The following ADAM23 variants were observed in gnomAD, a reference collection of about 807,000 sequenced individuals.
ADAM23 encodes ADAM metallopeptidase domain 23, also known as disintegrin and metalloproteinase domain-containing protein 23.
In ADAM23, 33 loss-of-function variants were observed where a neutral mutation model predicts 120.1. The observed-to-expected ratio is 0.27, with a 90% CI of 0.21 to 0.37. ADAM23 has a LOEUF of 0.37. Among genes scored for constraint, ADAM23 ranks in the 10% least tolerant of loss-of-function variants. ADAM23 has a pLI of 1.00. For missense variants in ADAM23, 862 were observed against 1,058.2 expected (o/e 0.81, Z 2.57); for synonymous variants, 367 against 375.2 (o/e 0.98, Z 0.25).
At chr2:206,493,842 G>T (rs1388748614) in intron 3 of ADAM23, among the ~76,000 whole-genome samples, 1 of 152,072 alleles carries the variant, frequency 6.6e-6, no homozygotes, top group East Asian at 1.9e-4. Flanking sequence ...TTTTGCCCAA[G>T]TGAGTTCACA....
rs1395734619 is a variant in ADAM23, at chr2:206,445,481, A to G, written c.389A>G (p.His130Arg). ...YINQDSESPY[H>R]VLDTKARHQQ... ...AACCAAGACTCGGAAAGCCCTTATC[A>G]CGTTCTTGACACAAAGGCAAGACAC... Residue 130 changes from histidine to arginine, a missense_variant, in exon 2 of 26, where the codon CAC (histidine) becomes CGC (arginine). Transcript: ENST00000264377. 1.9e-6 allele frequency: 3 copies of G among 1,614,142 alleles called. No individual in the cohort carries two copies. The highest frequency in any genetic ancestry group is 1.7e-5 in the Admixed American group (1 of 60,026).
chr2:206,534,744 G>A (rs908742868), intron 4 of ADAM23, among the ~76,000 whole-genome samples: 2 of 152,004 alleles, frequency 1.3e-5, no homozygotes, highest in African/African-American at 2.4e-5. Context: ...TTCTGCTTAC[G>A]TCAGCAGTCA....
chr2:206,444,652 A>G (rs1695038758), intron 1 of ADAM23, among the ~76,000 whole-genome samples: 1 of 152,350 alleles, frequency 6.6e-6, no homozygotes, highest in African/African-American at 2.4e-5. Flanking sequence ...ACCATCTTCT[A>G]TATATTGATG....
At chr2:206,563,059 T>C (rs1468840303) in intron 13 of ADAM23, among the ~76,000 whole-genome samples, 1 of 152,240 alleles carries the variant, frequency 6.6e-6, no homozygotes, top group Admixed American at 6.5e-5. Flanking sequence ...TCAACCCAGA[T>C]TGTGTTTATC....
At chr2:206,575,104 T>G (rs987555457) in intron 18 of ADAM23, among the ~76,000 whole-genome samples, 5 of 152,130 alleles carry the variant, frequency 3.3e-5, no homozygotes, top group African/African-American at 4.8e-5. Context: ...AATATTTCTT[T>G]CTGGAGGACA....
At chr2:206,574,042 T>C (rs1270746777) in intron 18 of ADAM23, among the ~76,000 whole-genome samples, 1 of 152,112 alleles carries the variant, frequency 6.6e-6, no homozygotes, top group Non-Finnish European at 1.5e-5. Context: ...ATAATTACTT[T>C]TGCACCAACC....
At position 206,620,931 on chromosome 2, in the gene ADAM23, T is replaced by C. The variant is rs117453682; in HGVS notation, c.*3304T>C. ...GAACCCTTTCTTTAAAGTTATCCCA[T>C]CATGTTTTATAGTCATTGTTGCTTC... On this transcript the variant is annotated 3_prime_UTR_variant, in exon 26 of 26. Coordinates refer to ENST00000264377, the MANE Select transcript of ADAM23 (RefSeq NM_003812.4). 39 of 152,314 alleles carry C rather than the reference T, an allele frequency of 2.6e-4. No homozygotes were observed. The East Asian group carries it at 7.0e-3, about 27-fold the overall frequency. The allele number at this position is 152,314 out of a possible 1,614,324, so 9.4% of individuals were successfully genotyped here. A position where few individuals can be genotyped will look rare whatever the true frequency, so the allele number is the denominator to read the frequency against.
Position 206,548,261 on chromosome 2 carries a change from C to G in ADAM23, c.794-20C>G, listed in dbSNP as rs1367377354. The G allele has an allele frequency of 6.2e-7, 1 of 1,606,824 alleles. No homozygotes were observed. Among genetic ancestry groups the G allele is most frequent in the South Asian group, 1.1e-5 (1 of 90,876 alleles). ...TTGAAATAAGCATAAAATTTTGATA[C>G]TAATTTTTCCTTTCTGCAGCTATGG... On this transcript the variant is annotated intron_variant, in intron 7 of 25. Transcript: ENST00000264377.
At chr2:206,444,517 G>A (rs1695036334) in intron 1 of ADAM23, among the ~76,000 whole-genome samples, 2 of 152,170 alleles carry the variant, frequency 1.3e-5, no homozygotes, top group African/African-American at 4.8e-5. Flanking sequence ...AGTGCGGTTG[G>A]AATTAAGGTG....
chr2:206,465,497 A>G (rs548101840), intron 2 of ADAM23, among the ~76,000 whole-genome samples: 7 of 152,314 alleles, frequency 4.6e-5, no homozygotes, highest in South Asian at 2.1e-4. Flanking sequence ...TAAATTTATT[A>G]TAGTCCTCTA....
chr2:206,494,165 A>C (rs908703085), intron 3 of ADAM23, among the ~76,000 whole-genome samples: 54 of 152,292 alleles, frequency 3.5e-4, no homozygotes, highest in African/African-American at 1.3e-3. Flanking sequence ...TCAATTATAC[A>C]ATACAGTATA....
intron 4 of ADAM23, among the ~76,000 whole-genome samples, chr2:206,533,311 C>G (rs1425354738): frequency 1.3e-5 from 2 of 152,126 alleles, no homozygotes; most frequent in Non-Finnish European, 2.9e-5. Context: ...AAGCGATTCT[C>G]CTGCCTCAGT....
chr2:206,605,881 G>A, intron 24 of ADAM23: 1 of 670,876 alleles, frequency 1.5e-6, no homozygotes, highest in Non-Finnish European at 2.7e-6. Flanking sequence ...GGGGAATAGA[G>A]TAAGCATCCT....
At chr2:206,578,322 C>T (rs568387263) in intron 18 of ADAM23, among the ~76,000 whole-genome samples, 41 of 152,066 alleles carry the variant, frequency 2.7e-4, no homozygotes, top group African/African-American at 9.6e-4. Context: ...TACACTGCAC[C>T]ATATTTGTAG....
intron 4 of ADAM23, among the ~76,000 whole-genome samples, chr2:206,538,484 GA>G: frequency 6.6e-6 from 1 of 152,216 alleles, no homozygotes. Context: ...TCAGAACCTA[GA>G]TATCATAATA....
intron 2 of ADAM23, among the ~76,000 whole-genome samples, chr2:206,463,872 T>C (rs566816188): frequency 2.6e-5 from 4 of 152,358 alleles, no homozygotes; most frequent in African/African-American, 9.6e-5. Flanking sequence ...AGAGGCTACA[T>C]AGAGACCTAT....
chr2:206,583,432 C>T (rs980131624), intron 18 of ADAM23, among the ~76,000 whole-genome samples: 8 of 146,658 alleles, frequency 5.5e-5, no homozygotes, highest in African/African-American at 1.8e-4. Context: ...CTGGCCTGGG[C>T]GAAAGAGCGA....
chr2:206,474,812 C>T (rs1018632644), intron 2 of ADAM23, among the ~76,000 whole-genome samples: 1 of 152,142 alleles, frequency 6.6e-6, no homozygotes. Flanking sequence ...TGGCTTCAAG[C>T]GATCCTCCTG....
At chr2:206,510,101 A>G (rs951664968) in intron 3 of ADAM23, among the ~76,000 whole-genome samples, 3 of 152,208 alleles carry the variant, frequency 2.0e-5, no homozygotes, top group Non-Finnish European at 4.4e-5. Flanking sequence ...TTTGCTTTCT[A>G]ATTATGCATC....
Sources: allele counts gnomAD v4.1 joint callset (sites outside exome capture counted in the v4.1 genomes callset), GRCh38; gene constraint gnomAD v4.1.1; transcripts MANE v1.5; gene names NCBI Gene and HGNC (gene_info 2026-07-23, HGNC 2026-07-21).